The following MAEA variants were observed in gnomAD, a reference collection of about 807,000 sequenced individuals.
MAEA encodes macrophage erythroblast attacher, E3 ubiquitin ligase, also known as E3 ubiquitin-protein transferase MAEA.
A neutral mutation model predicts 46.2 loss-of-function variants in MAEA; 22 were observed. The ratio of observed to expected loss-of-function variants is 0.48; its 90% CI spans 0.34 to 0.68. MAEA has a LOEUF of 0.68. Among genes scored for constraint, MAEA ranks in the 30% least tolerant of loss-of-function variants. The pLI, the probability that MAEA is intolerant of heterozygous loss-of-function variation, is 0.01. For synonymous variants in MAEA, 246 were observed against 222.6 expected, an observed-to-expected ratio of 1.11 and a Z score of -0.94; for missense variants, 393 against 558.1, an observed-to-expected ratio of 0.70 and a Z score of 2.98.
At chr4:1,318,304 C>T (rs1737571981) in intron 3 of MAEA, among the ~76,000 whole-genome samples, 1 of 152,222 alleles carries the variant, frequency 6.6e-6, no homozygotes. Context: ...GCCCCTGGCC[C>T]CAGGGAATGT....
rs140383471 is a variant in MAEA at position 1,326,404 on chromosome 4, A to T, written c.580-1223A>T. Among the ~76,000 whole-genome samples, 917 of 152,298 alleles carry T rather than the reference A, an allele frequency of 6.0e-3. 11 individuals are homozygous for T. Among genetic ancestry groups the T allele is most frequent in the African/African-American group, 0.021 (860 of 41,558 alleles). On this transcript the variant is annotated intron_variant, in intron 4 of 8. Transcript: ENST00000303400. ...AGAATGTCCTGAAACCACACGGAAG[A>T]TCTTACGGTTTAGACGGACATGTCA...
chr4:1,338,122 C>T (rs1178120776), intron 7 of MAEA: 2 of 383,208 alleles, frequency 5.2e-6, no homozygotes, highest in African/African-American at 4.1e-5. Flanking sequence ...CTTGTCCTGC[C>T]TGGAGAGGTT....
chr4:1,312,422 GAT>G, intron 2 of MAEA: 4 of 225,092 alleles, frequency 1.8e-5, no homozygotes, highest in East Asian at 1.2e-4. Flanking sequence ...CAGGTTGATT[GAT>G]TTTTTTTTTT....
rs77452273 is a variant in MAEA, at chr4:1,306,080, G to A, written c.70-5899G>A. Among the ~76,000 whole-genome samples, 1,061 of 152,280 alleles carry A rather than the reference G, an allele frequency of 7.0e-3. 23 individuals are homozygous for A. The highest frequency in any genetic ancestry group is 0.024 in the African/African-American group (995 of 41,548). The stretch of plus-strand genomic sequence containing the variant: ...AGATTGGGCAGGGCCCCTCCCCAAC[G>A]GGGAAGGCTGTGGGCTTTCCTCAGT... On this transcript the variant is annotated intron_variant, in intron 1 of 8. Transcript: ENST00000303400.
chr4:1,334,610 G>A (rs575858552), intron 6 of MAEA, among the ~76,000 whole-genome samples: 30 of 152,364 alleles, frequency 2.0e-4, no homozygotes, highest in Admixed American at 2.0e-4. Flanking sequence ...ACCTCTCACC[G>A]GACGCAGCCC....
At chr4:1,326,313 C>T (rs924231211) in intron 4 of MAEA, among the ~76,000 whole-genome samples, 4 of 152,216 alleles carry the variant, frequency 2.6e-5, no homozygotes, top group Admixed American at 6.5e-5. Context: ...GAGTGACACG[C>T]GGCCCCAGCC....
chr4:1,316,703 A>T (rs1737220229), intron 3 of MAEA, among the ~76,000 whole-genome samples: 1 of 152,112 alleles, frequency 6.6e-6, no homozygotes, highest in Non-Finnish European at 1.5e-5. Flanking sequence ...CACCTGGGGC[A>T]TCATGGGCCT....
intron 1 of MAEA, among the ~76,000 whole-genome samples, chr4:1,298,783 C>T (rs531040531): frequency 6.6e-6 from 1 of 152,264 alleles, no homozygotes; most frequent in Non-Finnish European, 1.5e-5. Flanking sequence ...ACTGATGACT[C>T]CCAGGCAGGT....
chr4:1,313,231 G>T (rs928699497), intron 2 of MAEA, among the ~76,000 whole-genome samples: 18 of 152,216 alleles, frequency 1.2e-4, no homozygotes, highest in Non-Finnish European at 2.5e-4. Context: ...ATTCTTTCTT[G>T]GGGAGGATAC....
intron 1 of MAEA, among the ~76,000 whole-genome samples, chr4:1,310,705 G>C (rs920620698): frequency 6.6e-6 from 1 of 152,224 alleles, no homozygotes; most frequent in African/African-American, 2.4e-5. Context: ...CCCGCGGTGG[G>C]TCCACGTCGG....
At chr4:1,316,628 T>C (rs1277905350) in intron 3 of MAEA, among the ~76,000 whole-genome samples, 1 of 152,002 alleles carries the variant, frequency 6.6e-6, no homozygotes, top group African/African-American at 2.4e-5. Flanking sequence ...TCCTCCCTGC[T>C]TCTGTCTAAC....
intron 6 of MAEA, among the ~76,000 whole-genome samples, chr4:1,334,659 C>G (rs1021416350): frequency 6.6e-6 from 1 of 152,252 alleles, no homozygotes; most frequent in Non-Finnish European, 1.5e-5. Flanking sequence ...GTGCCAGCCC[C>G]AAGGCTCATC....
At chr4:1,330,136 A>AT in intron 5 of MAEA, 1 of 985,316 alleles carries the variant, frequency 1.0e-6, no homozygotes, top group Non-Finnish European at 1.2e-6. Context: ...GCTGCTAGTG[A>AT]TTAACTTTTA....
intron 1 of MAEA, chr4:1,309,692 T>A (rs750362014): frequency 6.5e-7 from 1 of 1,530,468 alleles, no homozygotes; most frequent in Middle Eastern, 2.0e-4. Context: ...GTCTTCCAGT[T>A]GTGAAGACAC....
chr4:1,329,627 G>C (rs1260819120), intron 5 of MAEA: 1 of 985,410 alleles, frequency 1.0e-6, no homozygotes, highest in Non-Finnish European at 1.2e-6. Context: ...CAGGTGCCAG[G>C]GCCTGGTCAG....
At chr4:1,300,170 A>G (rs566575893) in intron 1 of MAEA, among the ~76,000 whole-genome samples, 1 of 152,274 alleles carries the variant, frequency 6.6e-6, no homozygotes, top group East Asian at 1.9e-4. Context: ...GCAGAGACAG[A>G]CGATCCAACA....
chr4:1,329,838 C>T, intron 5 of MAEA: 1 of 985,540 alleles, frequency 1.0e-6, no homozygotes, highest in Middle Eastern at 5.2e-4. Flanking sequence ...CCACATGTCT[C>T]CTGAGGGCTC....
At chr4:1,290,746 C>T (rs1460366952) in intron 1 of MAEA, among the ~76,000 whole-genome samples, 3 of 152,204 alleles carry the variant, frequency 2.0e-5, no homozygotes, top group African/African-American at 4.8e-5. Flanking sequence ...CCTCCCAGAG[C>T]GCCCTGGTGT....
chr4:1,322,777 T>C (rs1738292553), intron 4 of MAEA, among the ~76,000 whole-genome samples: 3 of 152,032 alleles, frequency 2.0e-5, no homozygotes, highest in South Asian at 4.1e-4. Flanking sequence ...ACACAGAGTG[T>C]TGGGGCTGCT....
Sources: gnomAD v4.1 joint callset for allele counts (sites outside exome capture counted in the v4.1 genomes callset) on GRCh38, gnomAD v4.1.1 for gene constraint, MANE v1.5 for transcripts, NCBI Gene and HGNC (gene_info 2026-07-23, HGNC 2026-07-21) for gene names.